The following CAPN14 variants were observed in gnomAD, a reference collection of about 807,000 sequenced individuals.
CAPN14 encodes the protein calpain-14.
In CAPN14, 94 loss-of-function variants were observed where a neutral mutation model predicts 101.3. That is an observed-to-expected ratio of 0.93 (90% CI 0.79 to 1.10). CAPN14 has a LOEUF of 1.10. Among genes scored for constraint, CAPN14 ranks in the 50% least tolerant of loss-of-function variants. The probability of loss-of-function intolerance (pLI) is 0.00; values close to 1 mark genes in which losing one functional copy is unlikely to be tolerated. For missense variants in CAPN14, 837 were observed against 828.4 expected, an observed-to-expected ratio of 1.01 and a Z score of -0.13; for synonymous variants, 338 against 317.9, an observed-to-expected ratio of 1.06 and a Z score of -0.67.
chr2:31,181,105 T>C (rs1408083061), intron 16 of CAPN14, 105 bp from the exon 17 acceptor site: 7 of 811,364 alleles, frequency 8.6e-6, no homozygotes, highest in East Asian at 2.7e-5. Context: ...ATGACCACCA[T>C]GTATGTACGT....
intron 1 of CAPN14, among the ~76,000 whole-genome samples, chr2:31,214,158 C>G (rs1012794111): frequency 6.6e-6 from 1 of 152,158 alleles, no homozygotes; most frequent in African/African-American, 2.4e-5. Flanking sequence ...CATGAATAAA[C>G]AGATGCTTGA....
intron 16 of CAPN14, among the ~76,000 whole-genome samples, chr2:31,182,989 T>C (rs1273612828): frequency 6.6e-6 from 1 of 152,070 alleles, no homozygotes; most frequent in Non-Finnish European, 1.5e-5. Flanking sequence ...AAAACAGAGA[T>C]ATAGATCAAT....
intron 3 of CAPN14, 30 bp from the exon 4 acceptor site, chr2:31,202,282 G>T: frequency 6.6e-7 from 1 of 1,505,532 alleles, no homozygotes; most frequent in South Asian, 1.2e-5. Context: ...GCATCTGCAT[G>T]AATCTACTGG....
chr2:31,218,077 C>T (rs946528394), upstream of CAPN14, among the ~76,000 whole-genome samples: 8 of 152,152 alleles, frequency 5.3e-5, no homozygotes, highest in Non-Finnish European at 8.8e-5. Flanking sequence ...TTTCCAAATC[C>T]CCCATTTTGG....
At chr2:31,208,928 A>G (rs150234044) in intron 1 of CAPN14, among the ~76,000 whole-genome samples, 7,371 of 152,170 alleles carry the variant, frequency 0.048, 181 homozygotes, top group African/African-American at 0.055. Context: ...TTGGCTCCCC[A>G]TAAGCTGCCA....
chr2:31,193,571 T>A (rs546725267), intron 9 of CAPN14, among the ~76,000 whole-genome samples: 53 of 152,336 alleles, frequency 3.5e-4, no homozygotes, highest in African/African-American at 1.2e-3. Context: ...TGTTCCAGTT[T>A]CTGGAATCAT....
chr2:31,181,035 G>C (rs1209849104), intron 16 of CAPN14, 35 bp from the exon 17 acceptor site: 4 of 1,534,426 alleles, frequency 2.6e-6, no homozygotes, highest in African/African-American at 1.4e-5. Flanking sequence ...ATGGGGGCTG[G>C]CCCCAGGTCT....
chr2:31,181,479 TTC>T (rs371156919), intron 16 of CAPN14, among the ~76,000 whole-genome samples: 32,555 of 137,186 alleles, frequency 0.24, 5,245 homozygotes, highest in African/African-American at 0.43. Flanking sequence ...TTTCTTTTCT[TTC>T]TCTCTCTCTC....
intron 12 of CAPN14, among the ~76,000 whole-genome samples, chr2:31,189,929 T>C (rs1681092454): frequency 6.6e-6 from 1 of 152,114 alleles, no homozygotes; most frequent in Non-Finnish European, 1.5e-5. Context: ...GTATGTGATA[T>C]GGCATGACTT....
In CAPN14 at chr2:31,173,954, T is replaced by C. The variant is rs1018509501; in HGVS notation, c.*727A>G. The C allele has an allele frequency of 4.6e-5, 7 of 152,346 alleles. No individual in the cohort carries two copies. The East Asian group carries it at 9.6e-4, about 21-fold the overall frequency. 9.4% of individuals were successfully genotyped at this position (152,346 alleles called of 1,614,324 possible). ...CTGGACAGATTTGAAATGGATCTGA[T>C]AGTCTATATATCAAGCAAATAGACA... On this transcript the variant is annotated 3_prime_UTR_variant, in exon 22 of 22. Transcript: ENST00000403897.
rs182437554 is a variant in CAPN14, at chr2:31,182,044, G to T, written c.1646-1044C>A. Among the ~76,000 whole-genome samples, 3 of 152,182 alleles carry T rather than the reference G, an allele frequency of 2.0e-5. No individual in the cohort carries two copies. In the East Asian group the frequency reaches 5.8e-4, roughly 29 times the overall value. Reference sequence around the variant, plus strand: ...GTCCTTTGGGTATATAGCCAGTAATGGGATGGCTGGGTCAAATGGTATTTC... The same window carrying T: ...GTCCTTTGGGTATATAGCCAGTAATTGGATGGCTGGGTCAAATGGTATTTC... On this transcript the variant is annotated intron_variant, in intron 16 of 21. Coordinates refer to ENST00000403897, the MANE Select transcript of CAPN14 (RefSeq NM_001145122.2).
Position 31,186,440 on chromosome 2 carries a change from T to G in CAPN14, c.1633A>C (p.Met545Leu). The G allele has an allele frequency of 6.5e-7, 1 of 1,549,128 alleles. No homozygotes were observed. Among genetic ancestry groups the G allele is most frequent in the Non-Finnish European group, 8.7e-7 (1 of 1,146,016 alleles). ...AVQLQNLLNQ[M>L]TWSSLGSRQP... ...CTAAAACACTTACTTGACCAGGTCA[T>G]CTGGTTCAGGAGGTTCTGAAGTTGA... is the stretch of plus-strand genomic sequence containing the variant. Residue 545 changes from methionine (M) to leucine (L), a missense_variant, in exon 16 of 22, where the codon ATG (methionine) becomes CTG (leucine). Coordinates refer to ENST00000403897, the MANE Select transcript of CAPN14 (RefSeq NM_001145122.2).
intron 12 of CAPN14, among the ~76,000 whole-genome samples, chr2:31,190,666 C>A (rs1448417769): frequency 6.6e-6 from 1 of 152,154 alleles, no homozygotes; most frequent in East Asian, 1.9e-4. Flanking sequence ...ATAACTTTTT[C>A]TTTTTAAATT....
At chr2:31,175,069 G>A (rs930405796) in intron 21 of CAPN14, among the ~76,000 whole-genome samples, 3 of 152,272 alleles carry the variant, frequency 2.0e-5, no homozygotes, top group Admixed American at 6.5e-5. Context: ...GGGGCCCTTG[G>A]TCTGACAGCT....
chr2:31,205,825 A>G (rs1464022438), intron 1 of CAPN14, among the ~76,000 whole-genome samples: 3 of 151,930 alleles, frequency 2.0e-5, no homozygotes, highest in African/African-American at 7.3e-5. Context: ...GCAGGAGAAG[A>G]GAAGCAGGAA....
chr2:31,178,625 A>AT, intron 17 of CAPN14, 46 bp from the exon 18 acceptor site: 1 of 1,316,496 alleles, frequency 7.6e-7, no homozygotes, highest in South Asian at 1.5e-5. Context: ...AGTTCTATCC[A>AT]TGCTTTGGAG....
At chr2:31,177,873 T>G in intron 18 of CAPN14, 52 bp from the exon 19 acceptor site, 1 of 1,360,258 alleles carries the variant, frequency 7.4e-7, no homozygotes, top group Non-Finnish European at 1.0e-6. Context: ...CCAAGCACCA[T>G]CTGAGAGCCC....
Position 31,187,373 on chromosome 2 carries a change from C to T in CAPN14, c.1587+385G>A, listed in dbSNP as rs559108582. Among the ~76,000 whole-genome samples, 6 of 152,194 alleles carry T rather than the reference C, an allele frequency of 3.9e-5. No homozygotes were observed. The South Asian group carries it at 1.2e-3, about 32-fold the overall frequency. ...ATGGGCCCCTTCTCCCTGCGCTCCC[C>T]TCCAATGACCCTCCCCAAGGCCCCC... On this transcript the variant is annotated intron_variant, in intron 15 of 21. Transcript: ENST00000403897.
intron 1 of CAPN14, among the ~76,000 whole-genome samples, chr2:31,209,137 C>CTTTTTT (rs34521833): frequency 7.6e-6 from 1 of 131,770 alleles, no homozygotes; most frequent in Non-Finnish European, 1.6e-5. Flanking sequence ...GCGCAGCTAA[C>CTTTTTT]TTTTTTTTTT....
Sources: allele counts gnomAD v4.1 joint callset (sites outside exome capture counted in the v4.1 genomes callset), GRCh38; gene constraint gnomAD v4.1.1; transcripts MANE v1.5; gene names NCBI Gene and HGNC (gene_info 2026-07-23, HGNC 2026-07-21).